Variants in SORCS3 observed in about 807,000 individuals in gnomAD.
The protein encoded by SORCS3 is VPS10 domain-containing receptor SorCS3.
SORCS3 carries 57 observed loss-of-function variants against 146.3 expected under a neutral mutation model. That is an observed-to-expected ratio of 0.39 (90% confidence interval 0.31 to 0.49). SORCS3 has a LOEUF of 0.49. Among genes scored for constraint, SORCS3 ranks in the 20% least tolerant of loss-of-function variants. The pLI is 0.92. For synonymous variants in SORCS3, 653 were observed against 618.5 expected (o/e 1.06, Z -0.83); for missense variants, 1,341 against 1,575.5 (o/e 0.85, Z 2.52).
At chr10:104,685,136 A>G (rs745381296) in intron 1 of SORCS3, among the ~76,000 whole-genome samples, 4 of 152,118 alleles carry the variant, frequency 2.6e-5, no homozygotes, top group Non-Finnish European at 5.9e-5. Context: ...CTCAATAGAT[A>G]TTGATGTTGA....
chr10:105,206,086 A>T (rs1184446692), intron 16 of SORCS3, among the ~76,000 whole-genome samples: 1 of 152,190 alleles, frequency 6.6e-6, no homozygotes, highest in Non-Finnish European at 1.5e-5. Flanking sequence ...CCCCAGAGTA[A>T]GCTTGAGTAC....
rs2018908615 is a variant in SORCS3 at position 104,906,741 on chromosome 10, T to C, written c.696-9092T>C. Among the ~76,000 whole-genome samples the C allele has an allele frequency of 2.0e-5, 3 of 152,212 alleles. No individual in the cohort carries two copies. In the South Asian group the frequency reaches 6.2e-4, roughly 32 times the overall value. On this transcript the variant is annotated intron_variant, in intron 2 of 26. Coordinates refer to ENST00000369701, the MANE Select transcript of SORCS3 (RefSeq NM_014978.3). ...AAGCTTATCTGTAACTGGGTTCTCC[T>C]ACAGATGTGTTAATTTGTTGATTAA...
intron 1 of SORCS3, among the ~76,000 whole-genome samples, chr10:104,673,706 C>T (rs2015883120): frequency 6.6e-6 from 1 of 152,134 alleles, no homozygotes; most frequent in South Asian, 2.1e-4. Flanking sequence ...CCTGCCTTGG[C>T]CTCCTATAGT....
At chr10:104,701,611 A>T (rs1385296552) in intron 1 of SORCS3, among the ~76,000 whole-genome samples, 1 of 152,182 alleles carries the variant, frequency 6.6e-6, no homozygotes, top group Non-Finnish European at 1.5e-5. Flanking sequence ...ACTGCATTCA[A>T]TGTGTGCATT....
intron 7 of SORCS3, among the ~76,000 whole-genome samples, chr10:105,124,870 A>T (rs1007088123): frequency 5.9e-5 from 9 of 152,158 alleles, no homozygotes; most frequent in Admixed American, 5.2e-4. Context: ...ACGGAATGCA[A>T]TTAGAACAGA....
At chr10:104,904,705 T>C (rs2133592446) in intron 2 of SORCS3, among the ~76,000 whole-genome samples, 1 of 151,908 alleles carries the variant, frequency 6.6e-6, no homozygotes, top group South Asian at 2.1e-4. Flanking sequence ...ACCCCAAATT[T>C]TGTAAACACA....
At chr10:104,855,481 A>G (rs74869837) in intron 2 of SORCS3, among the ~76,000 whole-genome samples, 1,643 of 152,042 alleles carry the variant, frequency 0.011, 30 homozygotes, top group African/African-American at 0.038. Context: ...TAGGTCTATG[A>G]TTTCTTTCAT....
chr10:105,159,764 C>T (rs2056246246), intron 11 of SORCS3, among the ~76,000 whole-genome samples: 1 of 152,204 alleles, frequency 6.6e-6, no homozygotes, highest in Non-Finnish European at 1.5e-5. Context: ...TGTTTTCTCT[C>T]ATCAACCCAA....
intron 10 of SORCS3, among the ~76,000 whole-genome samples, chr10:105,158,149 C>T (rs2056228654): frequency 6.6e-6 from 1 of 152,152 alleles, no homozygotes; most frequent in Non-Finnish European, 1.5e-5. Context: ...GAATTGGTCA[C>T]AGCATGCATT....
intron 1 of SORCS3, among the ~76,000 whole-genome samples, chr10:104,816,974 C>T (rs536418009): frequency 6.6e-6 from 1 of 152,314 alleles, no homozygotes; most frequent in Admixed American, 6.5e-5. Flanking sequence ...CCCAAGAATT[C>T]ACCATGCCCA....
chr10:104,960,218 T>A (rs1027650146), intron 3 of SORCS3, among the ~76,000 whole-genome samples: 3 of 152,182 alleles, frequency 2.0e-5, no homozygotes, highest in African/African-American at 4.8e-5. Flanking sequence ...GGATATAGGA[T>A]ATTTCTAAGT....
intron 2 of SORCS3, among the ~76,000 whole-genome samples, chr10:104,866,852 T>C (rs11388458): frequency 0.089 from 13,531 of 152,274 alleles, 789 homozygotes; most frequent in South Asian, 0.27. Context: ...GAACAGTCAC[T>C]CATCACGCTG....
intron 4 of SORCS3, among the ~76,000 whole-genome samples, chr10:105,035,144 G>A (rs1267275782): frequency 6.6e-6 from 1 of 152,172 alleles, no homozygotes; most frequent in East Asian, 1.9e-4. Context: ...TGGTAAAAAG[G>A]GAGTATGATA....
In SORCS3 at chr10:104,886,359, A is replaced by G. The variant is rs78633055; in HGVS notation, c.696-29474A>G. On this transcript the variant is annotated intron_variant, in intron 2 of 26. Coordinates refer to ENST00000369701, the MANE Select transcript of SORCS3 (RefSeq NM_014978.3). ...TCTTTACAGTATTCCTGAAAATTGC[A>G]TTTGAATATCTTTATAACAGGGATA... Among the ~76,000 whole-genome samples, 448 of 152,208 alleles carry G rather than the reference A, an allele frequency of 2.9e-3. 1 individual carries two copies. The highest frequency in any genetic ancestry group is 0.01 in the Middle Eastern group (3 of 294).
intron 4 of SORCS3, among the ~76,000 whole-genome samples, chr10:104,979,608 CT>C (rs1490765668): frequency 2.0e-5 from 3 of 151,896 alleles, no homozygotes; most frequent in African/African-American, 7.3e-5. Flanking sequence ...ATGTCAGCAC[CT>C]TTAAACAATA....
At chr10:104,803,107 A>G (rs1196139222) in intron 1 of SORCS3, among the ~76,000 whole-genome samples, 1 of 152,104 alleles carries the variant, frequency 6.6e-6, no homozygotes, top group Non-Finnish European at 1.5e-5. Flanking sequence ...GGAGACAGAA[A>G]TTTCTTTTAA....
chr10:105,013,577 A>G (rs1326469055), intron 4 of SORCS3, among the ~76,000 whole-genome samples: 1 of 152,204 alleles, frequency 6.6e-6, no homozygotes, highest in African/African-American at 2.4e-5. Context: ...AATATAATAT[A>G]CACAGTATAT....
At chr10:105,207,315 C>T (rs2056608561) in intron 16 of SORCS3, among the ~76,000 whole-genome samples, 1 of 109,884 alleles carries the variant, frequency 9.1e-6, no homozygotes, top group South Asian at 3.7e-4. Flanking sequence ...TCTAAACTGT[C>T]CTGGCTATCC....
chr10:104,711,326 C>T (rs1224935344), intron 1 of SORCS3, among the ~76,000 whole-genome samples: 1 of 152,180 alleles, frequency 6.6e-6, no homozygotes, highest in Non-Finnish European at 1.5e-5. Flanking sequence ...GAATGAACAT[C>T]TGTAATTTAC....
Sources: allele counts gnomAD v4.1 joint callset (sites outside exome capture counted in the v4.1 genomes callset), GRCh38; gene constraint gnomAD v4.1.1; transcripts MANE v1.5; gene names NCBI Gene and HGNC (gene_info 2026-07-23, HGNC 2026-07-21).